The following GALNT13 variants were observed in gnomAD, a reference collection of about 807,000 sequenced individuals.
GALNT13 encodes polypeptide N-acetylgalactosaminyltransferase 13.
GALNT13 carries 28 observed loss-of-function variants against 64.2 expected under a neutral mutation model. That is an observed-to-expected ratio of 0.44 (90% CI 0.32 to 0.60). The LOEUF is 0.60. Among genes scored for constraint, GALNT13 ranks in the 20% least tolerant of loss-of-function variants. The pLI, the probability that GALNT13 is intolerant of heterozygous loss-of-function variation, is 0.05. For synonymous variants in GALNT13, 214 were observed against 224.6 expected, an observed-to-expected ratio of 0.95 and a Z score of 0.42; for missense variants, 577 against 669.8, an observed-to-expected ratio of 0.86 and a Z score of 1.53.
intron 3 of GALNT13, among the ~76,000 whole-genome samples, chr2:153,964,732 T>C (rs1220768858): frequency 1.3e-5 from 2 of 151,970 alleles, no homozygotes; most frequent in Non-Finnish European, 2.9e-5. Flanking sequence ...TTAATATTCA[T>C]TGTAGAAAAA....
At chr2:153,083,120 C>T in the GALNT13 span, among the ~76,000 whole-genome samples, 1 of 152,124 alleles carries the variant, frequency 6.6e-6, no homozygotes, top group Non-Finnish European at 1.5e-5. Context: ...AGCCATCATG[C>T]CCAGTGAGTT....
At chr2:154,139,641 C>CAT (rs1558980837) in intron 3 of GALNT13, among the ~76,000 whole-genome samples, 1 of 151,630 alleles carries the variant, frequency 6.6e-6, no homozygotes, top group African/African-American at 2.4e-5. Flanking sequence ...CACACACACA[C>CAT]ACACACACAC....
chr2:154,292,676 A>G, intron 8 of GALNT13, among the ~76,000 whole-genome samples: 2 of 152,276 alleles, frequency 1.3e-5, no homozygotes, highest in Admixed American at 1.3e-4. Context: ...TATGGTCTCC[A>G]TTATTATTTG....
the GALNT13 span, among the ~76,000 whole-genome samples, chr2:153,509,667 T>A: frequency 1.3e-5 from 2 of 152,194 alleles, no homozygotes; most frequent in Non-Finnish European, 2.9e-5. Context: ...TAACTCTCTG[T>A]GTATGTGTGT....
At chr2:154,386,449 G>T (rs1698517631) in intron 9 of GALNT13, among the ~76,000 whole-genome samples, 1 of 152,032 alleles carries the variant, frequency 6.6e-6, no homozygotes, top group Admixed American at 6.6e-5. Context: ...TGGCCTGATG[G>T]TTGGTTTCCT....
intron 6 of GALNT13, among the ~76,000 whole-genome samples, chr2:154,243,142 CT>C (rs1258574932): frequency 6.6e-6 from 1 of 152,138 alleles, no homozygotes; most frequent in Non-Finnish European, 1.5e-5. Context: ...TGTTAAATTA[CT>C]TTTTAGGTGA....
At chr2:154,178,746 C>G (rs987088495) in intron 4 of GALNT13, among the ~76,000 whole-genome samples, 1 of 152,068 alleles carries the variant, frequency 6.6e-6, no homozygotes, top group Admixed American at 6.6e-5. Context: ...TCCCTGTTGC[C>G]GGCATCATGG....
At chr2:153,765,024 C>T in the GALNT13 span, among the ~76,000 whole-genome samples, 1 of 152,188 alleles carries the variant, frequency 6.6e-6, no homozygotes, top group Non-Finnish European at 1.5e-5. Context: ...TATGAAAATG[C>T]CTGGATGTCC....
chr2:154,378,396 C>CA (rs958037370), intron 9 of GALNT13, among the ~76,000 whole-genome samples: 2 of 151,908 alleles, frequency 1.3e-5, no homozygotes, highest in African/African-American at 2.4e-5. Flanking sequence ...GAGAAGGACT[C>CA]ACTTCCACAC....
the GALNT13 span, among the ~76,000 whole-genome samples, chr2:153,232,456 C>G: frequency 2.6e-5 from 4 of 152,128 alleles, no homozygotes; most frequent in Admixed American, 6.6e-5. Context: ...TTATTTATAG[C>G]CTTCTTCTTT....
chr2:154,161,031 C>T (rs1021830105), intron 4 of GALNT13, among the ~76,000 whole-genome samples: 1 of 152,156 alleles, frequency 6.6e-6, no homozygotes, highest in Admixed American at 6.6e-5. Flanking sequence ...CCACATTTAT[C>T]TGTTACCGCA....
the GALNT13 span, among the ~76,000 whole-genome samples, chr2:153,380,814 T>C: frequency 2.0e-5 from 3 of 152,202 alleles, no homozygotes; most frequent in Admixed American, 1.3e-4. Context: ...ATTTTATATA[T>C]TGTATTTTAA....
chr2:153,820,797 C>T, the GALNT13 span, among the ~76,000 whole-genome samples: 2 of 152,076 alleles, frequency 1.3e-5, no homozygotes, highest in South Asian at 4.1e-4. Flanking sequence ...TATAAAACAT[C>T]TACACAATCA....
the GALNT13 span, among the ~76,000 whole-genome samples, chr2:153,779,126 T>A: frequency 6.6e-5 from 10 of 152,160 alleles, no homozygotes; most frequent in Non-Finnish European, 1.3e-4. Flanking sequence ...AAGTACTGAA[T>A]AAATGAACTA....
At chr2:154,315,367 C>A (rs926016290) in intron 9 of GALNT13, among the ~76,000 whole-genome samples, 2 of 152,074 alleles carry the variant, frequency 1.3e-5, no homozygotes, top group African/African-American at 2.4e-5. Flanking sequence ...GACAATGGAT[C>A]CAAGCTGGGA....
chr2:153,102,119 G>C, the GALNT13 span, among the ~76,000 whole-genome samples: 1 of 151,960 alleles, frequency 6.6e-6, no homozygotes, highest in Non-Finnish European at 1.5e-5. Context: ...TGCTCTGTCA[G>C]GGTGTCCTGT....
At chr2:154,209,386 C>G (rs924978000) in intron 4 of GALNT13, among the ~76,000 whole-genome samples, 14 of 152,028 alleles carry the variant, frequency 9.2e-5, no homozygotes, top group Admixed American at 4.6e-4. Context: ...AAACTTTTTT[C>G]ATGATATTTC....
chr2:154,347,785 G>A (rs191259799), intron 9 of GALNT13, among the ~76,000 whole-genome samples: 4 of 152,296 alleles, frequency 2.6e-5, no homozygotes, highest in East Asian at 1.9e-4. Context: ...CTCAGAAGTA[G>A]TTAGTATTCT....
the GALNT13 span, among the ~76,000 whole-genome samples, chr2:153,460,850 C>T: frequency 1.2e-4 from 19 of 152,094 alleles, no homozygotes; most frequent in Non-Finnish European, 2.6e-4. Flanking sequence ...TCATTTTAGG[C>T]AGCTGCTTTT....
Sources: allele counts gnomAD v4.1 joint callset (sites outside exome capture counted in the v4.1 genomes callset), GRCh38; gene constraint gnomAD v4.1.1; transcripts MANE v1.5; gene names NCBI Gene and HGNC (gene_info 2026-07-23, HGNC 2026-07-21).